The following HTR7 variants were observed in gnomAD, a reference collection of about 807,000 sequenced individuals.
HTR7 encodes the protein 5-hydroxytryptamine receptor 7.
HTR7 carries 16 observed loss-of-function variants against 34.0 expected under a neutral mutation model. The observed-to-expected ratio is 0.47, with a 90% CI of 0.32 to 0.71. HTR7 has a LOEUF of 0.71. HTR7 is among the 30% of genes least tolerant of loss of function. The pLI is 0.04. For missense variants in HTR7, 504 were observed against 625.5 expected, an observed-to-expected ratio of 0.81 and a Z score of 2.07; for synonymous variants, 265 against 260.2, an observed-to-expected ratio of 1.02 and a Z score of -0.18.
chr10:90,846,991 C>T (rs1055756869), intron 1 of HTR7, among the ~76,000 whole-genome samples: 1 of 152,238 alleles, frequency 6.6e-6, no homozygotes, highest in African/African-American at 2.4e-5. Context: ...TTCACTGCCT[C>T]TGTGTTCCTG....
chr10:90,756,352 C>T (rs544732869), intron 1 of HTR7, among the ~76,000 whole-genome samples: 1 of 152,294 alleles, frequency 6.6e-6, no homozygotes, highest in Non-Finnish European at 1.5e-5. Flanking sequence ...GTATGTAAAT[C>T]AGGTTTTTTT....
chr10:90,833,036 G>C (rs946058297), intron 1 of HTR7, among the ~76,000 whole-genome samples: 1 of 152,220 alleles, frequency 6.6e-6, no homozygotes, highest in Non-Finnish European at 1.5e-5. Context: ...GTGGAGGAAG[G>C]TGGAGTAGAC....
At chr10:90,758,120 G>T (rs1257987646) in intron 1 of HTR7, among the ~76,000 whole-genome samples, 1 of 151,934 alleles carries the variant, frequency 6.6e-6, no homozygotes, top group Non-Finnish European at 1.5e-5. Flanking sequence ...GGCCAAGGAG[G>T]GCGGATCACG....
chr10:90,742,929 G>A (rs1483029279), intron 3 of HTR7, among the ~76,000 whole-genome samples: 2 of 152,160 alleles, frequency 1.3e-5, no homozygotes, highest in African/African-American at 4.8e-5. Context: ...AGGAAGGTGT[G>A]TTATTGTAAG....
At chr10:90,756,115 C>CA (rs1461432933) in intron 1 of HTR7, among the ~76,000 whole-genome samples, 1 of 152,092 alleles carries the variant, frequency 6.6e-6, no homozygotes, top group Admixed American at 6.5e-5. Context: ...AGCTAAAAAA[C>CA]AAAAAAGAAC....
At chr10:90,823,309 G>A (rs1846016268) in intron 1 of HTR7, among the ~76,000 whole-genome samples, 1 of 152,214 alleles carries the variant, frequency 6.6e-6, no homozygotes, top group Non-Finnish European at 1.5e-5. Flanking sequence ...CCCATCCCTT[G>A]TGTCAGTATG....
intron 1 of HTR7, among the ~76,000 whole-genome samples, chr10:90,763,499 G>GA (rs1198966197): frequency 2.6e-5 from 4 of 152,168 alleles, no homozygotes; most frequent in Non-Finnish European, 5.9e-5. Context: ...TGCAGAACAT[G>GA]AAGGTTTGTT....
At chr10:90,766,006 GGA>G (rs1181635916) in intron 1 of HTR7, among the ~76,000 whole-genome samples, 1 of 152,130 alleles carries the variant, frequency 6.6e-6, no homozygotes, top group Non-Finnish European at 1.5e-5. Flanking sequence ...GCTGCCAGGT[GGA>G]ATGTTCTGTA....
intron 1 of HTR7, among the ~76,000 whole-genome samples, chr10:90,787,994 G>C (rs2119869681): frequency 6.6e-6 from 1 of 152,072 alleles, no homozygotes; most frequent in South Asian, 2.1e-4. Context: ...GTAGGGTCCG[G>C]TTCGTAAGTG....
chr10:90,815,991 G>A (rs1203552257), intron 1 of HTR7, among the ~76,000 whole-genome samples: 1 of 152,190 alleles, frequency 6.6e-6, no homozygotes, highest in Non-Finnish European at 1.5e-5. Context: ...TGCTAACAGG[G>A]ATAGCAGTGC....
At chr10:90,814,354 G>A (rs2119980612) in intron 1 of HTR7, among the ~76,000 whole-genome samples, 1 of 152,290 alleles carries the variant, frequency 6.6e-6, no homozygotes, top group South Asian at 2.1e-4. Context: ...GGTTATAGGG[G>A]CTAAAGGGGC....
intron 1 of HTR7, among the ~76,000 whole-genome samples, chr10:90,810,024 C>G (rs1845778939): frequency 1.3e-5 from 2 of 152,202 alleles, no homozygotes; most frequent in African/African-American, 4.8e-5. Context: ...TCCACATTAC[C>G]TCCTTTTCAA....
At chr10:90,768,755 A>T (rs1184002452) in intron 1 of HTR7, among the ~76,000 whole-genome samples, 1 of 152,252 alleles carries the variant, frequency 6.6e-6, no homozygotes, top group East Asian at 1.9e-4. Context: ...TGATATTCAC[A>T]TCATTCTTAT....
chr10:90,815,768 T>TGCTAA (rs1845890551), intron 1 of HTR7, among the ~76,000 whole-genome samples: 2 of 152,072 alleles, frequency 1.3e-5, no homozygotes, highest in South Asian at 4.1e-4. Flanking sequence ...TGAGAACCAG[T>TGCTAA]AAGATTGCCC....
intron 1 of HTR7, among the ~76,000 whole-genome samples, chr10:90,762,297 G>A (rs186122071): frequency 6.6e-6 from 1 of 152,138 alleles, no homozygotes; most frequent in Non-Finnish European, 1.5e-5. Context: ...ACGAACACTC[G>A]TTATTTCTTG....
intron 1 of HTR7, among the ~76,000 whole-genome samples, chr10:90,831,555 G>A (rs1333171200): frequency 6.6e-6 from 1 of 152,232 alleles, no homozygotes; most frequent in Non-Finnish European, 1.5e-5. Context: ...CTTCCAAACT[G>A]TGGAAAGGGA....
At chr10:90,804,964 T>C (rs937205216) in intron 1 of HTR7, among the ~76,000 whole-genome samples, 77 of 152,282 alleles carry the variant, frequency 5.1e-4, no homozygotes, top group African/African-American at 1.6e-3. Context: ...GGGAGGAAAA[T>C]TTTGTTTTTC....
At chr10:90,791,955 TAAAGAGCAGTAA>T (rs1845466563) in intron 1 of HTR7, among the ~76,000 whole-genome samples, 1 of 152,096 alleles carries the variant, frequency 6.6e-6, no homozygotes, top group Admixed American at 6.6e-5. Flanking sequence ...ATCAGGAAAT[TAAAGAGCAGTAA>T]AAAGAGCAGA....
At chr10:90,802,156 G>T (rs1296461706) in intron 1 of HTR7, among the ~76,000 whole-genome samples, 1 of 152,194 alleles carries the variant, frequency 6.6e-6, no homozygotes, top group Non-Finnish European at 1.5e-5. Context: ...TCCTGAGAGG[G>T]AAACTGGATG....
Sources: gnomAD v4.1 joint callset for allele counts (sites outside exome capture counted in the v4.1 genomes callset) on GRCh38, gnomAD v4.1.1 for gene constraint, MANE v1.5 for transcripts, NCBI Gene and HGNC (gene_info 2026-07-23, HGNC 2026-07-21) for gene names.